Variants in MIER2 observed in about 807,000 individuals in gnomAD.
MIER2 encodes mesoderm induction early response protein 2.
Under a neutral mutation model 67.6 loss-of-function variants are expected in MIER2, and 30 were observed. The observed-to-expected ratio is 0.44, with a 90% confidence interval of 0.33 to 0.60. MIER2 has a LOEUF of 0.60. Ranked by LOEUF, MIER2 falls within the 20% of genes least tolerant of loss-of-function variation. The pLI is 0.02. For missense variants in MIER2, 702 were observed against 745.1 expected, an observed-to-expected ratio of 0.94 and a Z score of 0.67; for synonymous variants, 372 against 312.6, an observed-to-expected ratio of 1.19 and a Z score of -2.00.
intron 1 of MIER2, chr19:344,370 GGC>G: frequency 1.0e-6 from 1 of 984,872 alleles, no homozygotes; most frequent in Non-Finnish European, 1.2e-6. Flanking sequence ...AGTTGGCAAA[GGC>G]GCGGGAGGGG....
chr19:313,711 C>A, intron 7 of MIER2, 68 bp from the exon 8 acceptor site: 1 of 1,557,432 alleles, frequency 6.4e-7, no homozygotes, highest in Non-Finnish European at 8.6e-7. Flanking sequence ...CCAGGACAAG[C>A]AAAGCAGCCA....
chr19:335,874 G>A (rs1011123514), intron 2 of MIER2, among the ~76,000 whole-genome samples: 3 of 152,150 alleles, frequency 2.0e-5, no homozygotes, highest in Non-Finnish European at 2.9e-5. Context: ...TGGGTCGCCT[G>A]GGCTCCCTGC....
chr19:309,014 G>A (rs1970799252), intron 10 of MIER2, 89 bp from the exon 11 acceptor site: 32 of 1,525,298 alleles, frequency 2.1e-5, no homozygotes, highest in Non-Finnish European at 2.7e-5. Context: ...GGGACCCCGG[G>A]ACAGCACAGA....
intron 7 of MIER2, among the ~76,000 whole-genome samples, chr19:317,496 C>T (rs1003852612): frequency 1.3e-5 from 2 of 151,302 alleles, no homozygotes; most frequent in Non-Finnish European, 2.9e-5. Flanking sequence ...CACTGCACTC[C>T]AACCTGGGTG....
chr19:336,775 T>C lies in MIER2; in HGVS notation c.10-602A>G, dbSNP rs1972276291. Reference sequence around the variant, plus strand: ...TAAAATGGGCATATTTTATGGTTTGTCAATTACAATTTTTTTTTATAAAAA... The same window carrying C: ...TAAAATGGGCATATTTTATGGTTTGCCAATTACAATTTTTTTTTATAAAAA... On this transcript the variant is annotated intron_variant, in intron 1 of 13. Coordinates refer to ENST00000264819, the MANE Select transcript of MIER2 (RefSeq NM_017550.3). Among the ~76,000 whole-genome samples the C allele has an allele frequency of 2.6e-5, 4 of 152,222 alleles. No individual in the cohort carries two copies. The South Asian group carries it at 8.3e-4, about 32-fold the overall frequency.
chr19:309,419 C>T (rs1039198295), intron 10 of MIER2, among the ~76,000 whole-genome samples: 1 of 152,166 alleles, frequency 6.6e-6, no homozygotes, highest in Non-Finnish European at 1.5e-5. Flanking sequence ...TGCTTTCCCA[C>T]CGAACACATC....
At chr19:316,353 T>C (rs1316911988) in intron 7 of MIER2, among the ~76,000 whole-genome samples, 2 of 151,922 alleles carry the variant, frequency 1.3e-5, no homozygotes, top group Non-Finnish European at 2.9e-5. Flanking sequence ...AGTGCAGTGG[T>C]GCGATCTTGG....
rs372371366 is a variant in MIER2 at position 336,074 on chromosome 19, G to A, written c.100+9C>T. The A allele has an allele frequency of 4.9e-4, 787 of 1,612,636 alleles. No homozygotes were observed. The highest frequency in any genetic ancestry group is 6.1e-4 in the Non-Finnish European group (717 of 1,178,990). Reference sequence around the variant, plus strand: ...CGGACCTGAGCAGGGGAAGGAGGGAGGAAGGTACCTGCTGTTGTCTGCAAG... The same window carrying A: ...CGGACCTGAGCAGGGGAAGGAGGGAAGAAGGTACCTGCTGTTGTCTGCAAG... On this transcript the variant is annotated intron_variant, in intron 2 of 13. Transcript: ENST00000264819.
chr19:320,168 A>C (rs992008206), intron 7 of MIER2, among the ~76,000 whole-genome samples: 10 of 152,030 alleles, frequency 6.6e-5, no homozygotes, highest in African/African-American at 2.4e-4. Flanking sequence ...TGAGGCCAGG[A>C]GTTTGAGACC....
intron 1 of MIER2, among the ~76,000 whole-genome samples, chr19:339,528 G>C (rs1172771890): frequency 6.6e-6 from 1 of 152,186 alleles, no homozygotes; most frequent in African/African-American, 2.4e-5. Flanking sequence ...AGCCACTTTG[G>C]AAAATAGTCC....
chr19:334,262 T>C (rs1192840895), intron 3 of MIER2, 138 bp downstream of exon 3: 2 of 1,263,750 alleles, frequency 1.6e-6, no homozygotes, highest in Non-Finnish European at 2.2e-6. Context: ...TTTCAGCTAC[T>C]AGGACAGCAT....
intron 7 of MIER2, among the ~76,000 whole-genome samples, chr19:321,141 A>G (rs1467783420): frequency 1.3e-5 from 2 of 152,090 alleles, no homozygotes. Flanking sequence ...CTTCACTGAC[A>G]CTCTACACAC....
intron 1 of MIER2, among the ~76,000 whole-genome samples, chr19:343,297 G>A (rs1356043167): frequency 1.3e-5 from 2 of 152,184 alleles, no homozygotes; most frequent in South Asian, 2.1e-4. Context: ...GTCAGGCCAC[G>A]TGTGTTGCCC....
In MIER2 at chr19:334,544, T is replaced by G; in HGVS notation, c.101-2A>C. 1 of 1,613,532 alleles carries G rather than the reference T, an allele frequency of 6.2e-7. No individual in the cohort carries two copies. Among genetic ancestry groups the G allele is most frequent in the Non-Finnish European group, 8.5e-7 (1 of 1,179,908 alleles). ...GGTCTCCAGAGCCCATGGACACCAC[T>G]GGGGAGAAGAGAGCAGCCCAGGTGA... is the stretch of plus-strand genomic sequence containing the variant. On this transcript the variant is annotated splice_acceptor_variant, in intron 2 of 13. Coordinates refer to ENST00000264819, the MANE Select transcript of MIER2 (RefSeq NM_017550.3). LOFTEE classifies it high-confidence loss of function.
chr19:317,170 G>A (rs1333495963), intron 7 of MIER2, among the ~76,000 whole-genome samples: 5 of 152,170 alleles, frequency 3.3e-5, no homozygotes, highest in Admixed American at 6.5e-5. Context: ...CGACGTGGGC[G>A]GATCACGAGG....
At chr19:321,311 C>T (rs1030841679) in intron 7 of MIER2, among the ~76,000 whole-genome samples, 8 of 152,200 alleles carry the variant, frequency 5.3e-5, no homozygotes, top group African/African-American at 1.7e-4. Flanking sequence ...GGCCAGGAAG[C>T]ACGTTTATTC....
intron 10 of MIER2, among the ~76,000 whole-genome samples, chr19:309,474 G>A (rs1194039376): frequency 3.3e-5 from 5 of 152,088 alleles, no homozygotes; most frequent in East Asian, 1.9e-4. Flanking sequence ...AGAAGACACC[G>A]CAGAAGGACA....
chr19:326,584 CAGCCAGGAAACG>C lies in MIER2; in HGVS notation c.496_507del (p.Arg166_Ala169del), dbSNP rs1568230344. The C allele has an allele frequency of 6.2e-7, 1 of 1,614,084 alleles. No individual in the cohort carries two copies. The highest frequency in any genetic ancestry group is 1.1e-5 in the South Asian group (1 of 91,088). The stretch of plus-strand genomic sequence containing the variant: ...GAAGAGCCAGGCTCTCTGTCTTCAT[CAGCCAGGAAACG>C]AGCTTTGGGAAAACAGAGGCAGGTC... On this transcript the variant is annotated inframe_deletion and splice_region_variant, in exon 6 of 14. Coordinates refer to ENST00000264819, the MANE Select transcript of MIER2 (RefSeq NM_017550.3).
intron 3 of MIER2, 140 bp downstream of exon 3, chr19:334,257 GCTA>G: frequency 8.3e-7 from 1 of 1,209,406 alleles, no homozygotes; most frequent in Non-Finnish European, 1.2e-6. Context: ...CTGAATTTCA[GCTA>G]CTAGGACAGC....
Sources: allele counts gnomAD v4.1 joint callset (sites outside exome capture counted in the v4.1 genomes callset), GRCh38; gene constraint gnomAD v4.1.1; transcripts MANE v1.5; gene names NCBI Gene and HGNC (gene_info 2026-07-23, HGNC 2026-07-21).